Variants in SULF2 observed in about 807,000 individuals in gnomAD.
SULF2 encodes extracellular sulfatase Sulf-2.
Under a neutral mutation model 107.7 loss-of-function variants are expected in SULF2, and 52 were observed. The ratio of observed to expected loss-of-function variants is 0.48; its 90% CI spans 0.39 to 0.61. SULF2 has a LOEUF of 0.61. SULF2 is among the 20% of genes least tolerant of loss of function. The probability of loss-of-function intolerance (pLI) is 0.00; values close to 1 mark genes in which losing one functional copy is unlikely to be tolerated. For missense variants in SULF2, 993 were observed against 1,177.3 expected (o/e 0.84, Z 2.29); for synonymous variants, 460 against 464.3 (o/e 0.99, Z 0.12).
chr20:47,723,648 T>C (rs1008440635), intron 3 of SULF2, among the ~76,000 whole-genome samples: 4 of 152,190 alleles, frequency 2.6e-5, no homozygotes, highest in Non-Finnish European at 4.4e-5. Context: ...GTGAACCCCG[T>C]TGTGAACTGT....
At chr20:47,686,942 AG>A (rs1276414356) in intron 5 of SULF2, among the ~76,000 whole-genome samples, 3 of 152,132 alleles carry the variant, frequency 2.0e-5, no homozygotes, top group African/African-American at 7.2e-5. Context: ...GAACATTCCC[AG>A]GAACAAGCTC....
At chr20:47,765,361 C>A (rs889124583) in intron 1 of SULF2, among the ~76,000 whole-genome samples, 125 of 81,632 alleles carry the variant, frequency 1.5e-3, no homozygotes, top group African/African-American at 4.5e-3. Flanking sequence ...TAAAAAAAAA[C>A]AAAACAAAAC....
chr20:47,785,205 G>C (rs1254902126), intron 1 of SULF2, 138 bp downstream of exon 1: 1 of 133,378 alleles, frequency 7.5e-6, no homozygotes, highest in African/African-American at 2.7e-5. Context: ...GGCTGGAGCC[G>C]GGCGGTCCGG....
chr20:47,777,905 T>C (rs557389266), intron 1 of SULF2, among the ~76,000 whole-genome samples: 3 of 151,860 alleles, frequency 2.0e-5, no homozygotes, highest in Non-Finnish European at 2.9e-5. Context: ...TCCCAGCACT[T>C]TTGGAGGGTC....
At chr20:47,719,519 G>A (rs1000679748) in intron 3 of SULF2, among the ~76,000 whole-genome samples, 8 of 152,158 alleles carry the variant, frequency 5.3e-5, no homozygotes, top group African/African-American at 1.7e-4. Flanking sequence ...CACCATGCCT[G>A]CCACATCATC....
chr20:47,697,058 C>G (rs1342258481), intron 4 of SULF2, among the ~76,000 whole-genome samples: 1 of 152,150 alleles, frequency 6.6e-6, no homozygotes, highest in Non-Finnish European at 1.5e-5. Context: ...AGGTCGCCCC[C>G]ACACTGGCCG....
intron 3 of SULF2, among the ~76,000 whole-genome samples, chr20:47,731,187 CTTTTTTTTTT>C (rs71183273): frequency 0.18 from 14,854 of 81,426 alleles, 1,006 homozygotes; most frequent in East Asian, 0.31. Context: ...TGTATCTTCT[CTTTTTTTTTT>C]TTTTTTTTTT....
intron 9 of SULF2, 127 bp downstream of exon 9, chr20:47,676,951 G>A: frequency 1.0e-6 from 1 of 983,052 alleles, no homozygotes; most frequent in East Asian, 2.4e-5. Flanking sequence ...TTGTGTTTAG[G>A]GGCCTTTGGA....
Position 47,729,909 on chromosome 20 carries a change from G to A in SULF2, c.415+6794C>T, listed in dbSNP as rs57447157. On this transcript the variant is annotated intron_variant, in intron 3 of 20. Coordinates refer to ENST00000688720, the MANE Select transcript of SULF2 (RefSeq NM_001387048.1). ...TGCCCCTGCGGTCCTGAATGAAACC[G>A]CTTTAGGGAAAAAACAAGTCTCATT... 5.9e-3 allele frequency among the ~76,000 whole-genome samples: 895 copies of A among 152,308 alleles called. 9 individuals carry two copies. Among genetic ancestry groups the A allele is most frequent in the African/African-American group, 0.02 (837 of 41,572 alleles).
At chr20:47,703,148 C>T (rs2088625404) in intron 3 of SULF2, among the ~76,000 whole-genome samples, 1 of 152,194 alleles carries the variant, frequency 6.6e-6, no homozygotes, top group Non-Finnish European at 1.5e-5. Context: ...TGGTCTTGAA[C>T]TCCTGACCAA....
Position 47,678,786 on chromosome 20 carries a change from G to C in SULF2, c.1083C>G (p.Leu361=). 6.2e-7 allele frequency: 1 copy of C among 1,613,734 alleles called. No homozygotes were observed. The change falls in exon 8 of 21, where the codon CTC becomes CTG. Residue 361 remains leucine, a synonymous_variant. Transcript: ENST00000688720. This position sits in a 1 kb window ranked among gnomAD's most constrained non-coding sequence, Gnocchi z 4.5. ...EAGCLNPHIV[L]NIDLAPTILD... Reference sequence around the variant, plus strand: ...GGATGGTGGGGGCCAGGTCAATGTTGAGGACGATGTGGGGATTCCTGGGGG... The same window carrying C: ...GGATGGTGGGGGCCAGGTCAATGTTCAGGACGATGTGGGGATTCCTGGGGG...
At chr20:47,685,230 T>C (rs6018639) in intron 5 of SULF2, 69,194 of 152,176 alleles carry the variant, frequency 0.45, 16,327 homozygotes, top group East Asian at 0.56. Context: ...ACATGCCACA[T>C]TCTTTTTTAT....
chr20:47,678,350 C>T lies in SULF2; in HGVS notation c.1193+326G>A, dbSNP rs539578769. On this transcript the variant is annotated intron_variant, in intron 8 of 20. Transcript: ENST00000688720. This position sits in a 1 kb window ranked among gnomAD's most constrained non-coding sequence, Gnocchi z 4.5. Reference sequence around the variant, plus strand: ...AATTCCTAGATTTCCCTGCACAGTACTTAGAATAGGGCCTCACACACAAGC... The same window carrying T: ...AATTCCTAGATTTCCCTGCACAGTATTTAGAATAGGGCCTCACACACAAGC... 8 of 260,862 alleles carry T rather than the reference C, an allele frequency of 3.1e-5. No homozygotes were observed. Among genetic ancestry groups the T allele is most frequent in the South Asian group, 1.8e-4 (3 of 16,542 alleles). 16.2% of individuals were successfully genotyped at this position (260,862 alleles called of 1,614,324 possible). A position where few individuals can be genotyped will look rare whatever the true frequency, so the allele number is the denominator to read the frequency against.
At chr20:47,722,186 G>A (rs2089314173) in intron 3 of SULF2, among the ~76,000 whole-genome samples, 1 of 152,224 alleles carries the variant, frequency 6.6e-6, no homozygotes, top group South Asian at 2.1e-4. Context: ...CTGGATAAAT[G>A]AGATAGTAAT....
Position 47,658,376 on chromosome 20 carries a change from C to G in SULF2, c.2599G>C (p.Gly867Arg). ...TCTGTTGTTTCTTAACCTTCCCAGC[C>G]TTCCCACAGTTGTCCCCTAAAGAAC... Reference protein sequence around the residue: ...SSKSLGQLWEGWEG With the variant: ...SSKSLGQLWERWEG The change falls in exon 21 of 21, where the codon GGC (glycine) becomes CGC (arginine). Residue 867 changes from glycine to arginine, a missense_variant. By Grantham distance (125) the Gly-to-Arg change is moderately radical. Around this residue, in one of 3 missense-constraint regions of SULF2, gnomAD observed 497 missense variants for 544.1 expected, o/e 0.91. Coordinates refer to ENST00000688720, the MANE Select transcript of SULF2 (RefSeq NM_001387048.1). The G allele has an allele frequency of 6.2e-7, 1 of 1,614,224 alleles. No individual in the cohort carries two copies. The highest frequency in any genetic ancestry group is 8.5e-7 in the Non-Finnish European group (1 of 1,180,034).
At chr20:47,677,245 C>T (rs2087674059) in intron 8 of SULF2, 111 bp from the exon 9 acceptor site, 1 of 1,205,744 alleles carries the variant, frequency 8.3e-7, no homozygotes, top group Admixed American at 2.0e-5. Context: ...TACGGTCAGC[C>T]TGGACAGCAA....
chr20:47,785,088 T>TCGCC (rs1426206735), intron 1 of SULF2, among the ~76,000 whole-genome samples: 2 of 151,912 alleles, frequency 1.3e-5, no homozygotes, highest in African/African-American at 4.8e-5. Context: ...CGGGAAGTCC[T>TCGCC]CGCCCGCCCG....
chr20:47,658,613 T>C (rs148228517), intron 20 of SULF2, among the ~76,000 whole-genome samples: 59 of 152,314 alleles, frequency 3.9e-4, no homozygotes, highest in African/African-American at 5.5e-4. Flanking sequence ...CTGGACAGAA[T>C]AGTGGCTAAG....
chr20:47,767,236 C>T (rs1192711941), intron 1 of SULF2, among the ~76,000 whole-genome samples: 1 of 152,184 alleles, frequency 6.6e-6, no homozygotes, highest in African/African-American at 2.4e-5. Context: ...TTAACATGCA[C>T]GGAGACTTTC....
Sources: allele counts gnomAD v4.1 joint callset (sites outside exome capture counted in the v4.1 genomes callset), GRCh38; gene constraint gnomAD v4.1.1; regional missense constraint gnomAD v4.1.1; non-coding constraint Gnocchi (gnomAD v3.1); transcripts MANE v1.5; gene names NCBI Gene and HGNC (gene_info 2026-07-23, HGNC 2026-07-21).